The following MMP26 variants were observed in gnomAD, a reference collection of about 807,000 sequenced individuals.
MMP26 encodes the protein matrix metalloproteinase-26.
Under a neutral mutation model 31.0 loss-of-function variants are expected in MMP26, and 33 were observed. That is an observed-to-expected ratio of 1.06 (90% confidence interval 0.81 to 1.42). The LOEUF (loss-of-function observed/expected upper bound fraction) is 1.42, where lower values mean the gene tolerates loss of function less well. Among genes scored for constraint, MMP26 ranks in the 40% most tolerant of loss-of-function variants. The pLI is 0.00. For synonymous variants in MMP26, 122 were observed against 114.9 expected (o/e 1.06, Z -0.40); for missense variants, 347 against 316.1 (o/e 1.10, Z -0.74).
chr11:4,933,158 A>G (rs978799617), intron 2 of MMP26, among the ~76,000 whole-genome samples: 5 of 152,118 alleles, frequency 3.3e-5, no homozygotes, highest in Non-Finnish European at 7.4e-5. Flanking sequence ...TAATTATTAT[A>G]AACTGAGGAT....
intron 2 of MMP26, chr11:4,907,656 C>A: frequency 6.2e-7 from 1 of 1,614,040 alleles, no homozygotes; most frequent in Non-Finnish European, 8.5e-7. Context: ...TCACCTAATG[C>A]CTGCTTTGCT....
chr11:4,896,282 C>T (rs924357080), intron 2 of MMP26, among the ~76,000 whole-genome samples: 1 of 152,142 alleles, frequency 6.6e-6, no homozygotes, highest in Non-Finnish European at 1.5e-5. Flanking sequence ...CTTTCTCTGC[C>T]TCAGTGCCCC....
intron 2 of MMP26, among the ~76,000 whole-genome samples, chr11:4,833,450 A>C (rs1303000808): frequency 1.3e-5 from 2 of 152,172 alleles, no homozygotes; most frequent in Admixed American, 6.5e-5. Flanking sequence ...TAACATCTTG[A>C]TATTTACCTC....
chr11:4,706,605 AAAG>A (rs1847783301), intron 1 of MMP26, among the ~76,000 whole-genome samples: 1 of 146,718 alleles, frequency 6.8e-6, no homozygotes, highest in African/African-American at 2.6e-5. Flanking sequence ...AAAAAGACAG[AAAG>A]AAAGAAAGAA....
At chr11:4,810,076 T>C (rs1460449244) in intron 2 of MMP26, among the ~76,000 whole-genome samples, 1 of 152,224 alleles carries the variant, frequency 6.6e-6, no homozygotes, top group Non-Finnish European at 1.5e-5. Context: ...ACATGCACAC[T>C]GGCTTCCTTC....
At chr11:4,845,982 A>G (rs1162498133) in intron 2 of MMP26, among the ~76,000 whole-genome samples, 1 of 152,172 alleles carries the variant, frequency 6.6e-6, no homozygotes, top group Non-Finnish European at 1.5e-5. Flanking sequence ...ACTACTTTGG[A>G]GAATGGTTTA....
intron 2 of MMP26, among the ~76,000 whole-genome samples, chr11:4,972,667 A>G (rs1283620303): frequency 6.6e-6 from 1 of 151,352 alleles, no homozygotes; most frequent in Non-Finnish European, 1.5e-5. Flanking sequence ...CATAGACAAT[A>G]TTATTTTAAT....
At chr11:4,771,500 A>G (rs766501946) in intron 2 of MMP26, among the ~76,000 whole-genome samples, 4 of 152,260 alleles carry the variant, frequency 2.6e-5, no homozygotes, top group Non-Finnish European at 5.9e-5. Context: ...CAATTGGCTC[A>G]GTAAACAGAA....
At chr11:4,831,913 T>C (rs951671903) in intron 2 of MMP26, among the ~76,000 whole-genome samples, 1 of 151,990 alleles carries the variant, frequency 6.6e-6, no homozygotes, top group Non-Finnish European at 1.5e-5. Flanking sequence ...AACACACAGG[T>C]TTTAAATGAA....
intron 2 of MMP26, among the ~76,000 whole-genome samples, chr11:4,874,056 G>T (rs1204355213): frequency 6.6e-6 from 1 of 152,028 alleles, no homozygotes; most frequent in African/African-American, 2.4e-5. Context: ...GTCAGCGAGG[G>T]TGTTGGTATC....
rs969440107 is a variant in MMP26 at position 4,778,402 on chromosome 11, G to A, written c.-145+11061G>A. Among the ~76,000 whole-genome samples, 3 of 151,986 alleles carry A rather than the reference G, an allele frequency of 2.0e-5. No individual in the cohort carries two copies. In the East Asian group the frequency reaches 5.8e-4, roughly 29 times the overall value. On this transcript the variant is annotated intron_variant, in intron 2 of 7. Transcript: ENST00000380390. ...TCGTTATTAAAATAAACATTCTCTT[G>A]TTATTGCATTGTGATATCACTTTTG...
intron 2 of MMP26, among the ~76,000 whole-genome samples, chr11:4,828,989 C>A (rs1191178218): frequency 3.3e-5 from 5 of 152,234 alleles, no homozygotes; most frequent in South Asian, 2.1e-4. Context: ...TTCAGTGCTG[C>A]CTCTACCCAA....
intron 2 of MMP26, among the ~76,000 whole-genome samples, chr11:4,820,485 T>TTTCCTCCATTCCTTCCCTTTC (rs1282997239): frequency 1.3e-5 from 2 of 152,056 alleles, no homozygotes; most frequent in Non-Finnish European, 2.9e-5. Flanking sequence ...GGTTTGCTTT[T>TTTCCTCCATTCCTTCCCTTTC]TTCCTCCATT....
chr11:4,719,647 G>A (rs1214672982), intron 1 of MMP26: 1 of 152,176 alleles, frequency 6.6e-6, no homozygotes, highest in Non-Finnish European at 1.5e-5. Context: ...TTAGACTCAG[G>A]CTTGTATTTA....
chr11:4,816,410 T>C (rs1341167376), intron 2 of MMP26, among the ~76,000 whole-genome samples: 1 of 152,028 alleles, frequency 6.6e-6, no homozygotes, highest in Non-Finnish European at 1.5e-5. Context: ...GGTTTCTTTA[T>C]TGGTTTTCTG....
intron 2 of MMP26, chr11:4,881,838 C>CTA (rs1850467353): frequency 3.7e-6 from 5 of 1,356,032 alleles, no homozygotes; most frequent in African/African-American, 2.9e-5. Flanking sequence ...AAAATGTATG[C>CTA]TATATATATA....
chr11:4,723,274 C>T (rs1280905725), intron 1 of MMP26: 2 of 1,074,894 alleles, frequency 1.9e-6, no homozygotes, highest in African/African-American at 3.1e-5. Context: ...AGATCTCAGT[C>T]TTGTGCGCTG....
chr11:4,726,002 A>C (rs899228405), intron 1 of MMP26, among the ~76,000 whole-genome samples: 1 of 152,178 alleles, frequency 6.6e-6, no homozygotes, highest in Non-Finnish European at 1.5e-5. Flanking sequence ...AGAGAACTGG[A>C]GGTAACCTCT....
At chr11:4,991,178 T>A (rs1216158733) in intron 5 of MMP26, among the ~76,000 whole-genome samples, 193 bp from the exon 6 acceptor site, 1 of 152,240 alleles carries the variant, frequency 6.6e-6, no homozygotes, top group Non-Finnish European at 1.5e-5. Flanking sequence ...TCTTTCTTTT[T>A]ACCCTAGATA....
Sources: allele counts gnomAD v4.1 joint callset (sites outside exome capture counted in the v4.1 genomes callset), GRCh38; gene constraint gnomAD v4.1.1; transcripts MANE v1.5; gene names NCBI Gene and HGNC (gene_info 2026-07-23, HGNC 2026-07-21).